Variants in CGNL1 observed in about 807,000 individuals in gnomAD.
CGNL1 encodes cingulin-like protein 1.
Under a neutral mutation model 141.2 loss-of-function variants are expected in CGNL1, and 132 were observed. The observed-to-expected ratio is 0.93, with a 90% CI of 0.81 to 1.08. The LOEUF (loss-of-function observed/expected upper bound fraction) is 1.08. Ranked by LOEUF, CGNL1 falls within the 50% of genes least tolerant of loss-of-function variation. The pLI, the probability that CGNL1 is intolerant of heterozygous loss-of-function variation, is 0.00. For synonymous variants in CGNL1, 690 were observed against 622.1 expected (o/e 1.11, Z -1.63); for missense variants, 1,870 against 1,588.6 (o/e 1.18, Z -3.01).
intron 1 of CGNL1, among the ~76,000 whole-genome samples, chr15:57,421,069 A>T (rs1219541686): frequency 6.6e-6 from 1 of 152,184 alleles, no homozygotes; most frequent in Non-Finnish European, 1.5e-5. Context: ...TGGGGCCCTT[A>T]AAATGAGATT....
At chr15:57,499,465 T>G (rs1381821232) in intron 8 of CGNL1, among the ~76,000 whole-genome samples, 2 of 152,108 alleles carry the variant, frequency 1.3e-5, no homozygotes, top group Non-Finnish European at 2.9e-5. Context: ...CTGAAACTCC[T>G]GACCTCAAGT....
At chr15:57,534,997 A>C (rs2032175004) in intron 14 of CGNL1, among the ~76,000 whole-genome samples, 1 of 152,038 alleles carries the variant, frequency 6.6e-6, no homozygotes. Flanking sequence ...ATAAGCCACA[A>C]AAAAGGTTTT....
At chr15:57,453,454 T>G (rs1209739545) in intron 6 of CGNL1, among the ~76,000 whole-genome samples, 1 of 152,098 alleles carries the variant, frequency 6.6e-6, no homozygotes, top group Non-Finnish European at 1.5e-5. Flanking sequence ...CATACCCACT[T>G]TGTTGGTTTG....
intron 1 of CGNL1, among the ~76,000 whole-genome samples, chr15:57,410,016 G>A (rs1350049802): frequency 1.3e-5 from 2 of 152,206 alleles, no homozygotes; most frequent in African/African-American, 4.8e-5. Context: ...CAAGCCGTTA[G>A]CCCAGAAGGT....
intron 1 of CGNL1, among the ~76,000 whole-genome samples, chr15:57,413,586 AGCAT>A (rs1204192362): frequency 6.6e-6 from 1 of 152,268 alleles, no homozygotes; most frequent in African/African-American, 2.4e-5. Flanking sequence ...ATGCCCGGCC[AGCAT>A]CTCAGTAGGG....
At chr15:57,424,140 C>T (rs1319221613) in intron 1 of CGNL1, among the ~76,000 whole-genome samples, 1 of 152,244 alleles carries the variant, frequency 6.6e-6, no homozygotes, top group African/African-American at 2.4e-5. Context: ...CCGCGTCTCC[C>T]ACTGGGCTCT....
chr15:57,421,518 A>G (rs1038527048), intron 1 of CGNL1, among the ~76,000 whole-genome samples: 4 of 152,114 alleles, frequency 2.6e-5, no homozygotes, highest in Non-Finnish European at 4.4e-5. Context: ...GCTCCAGGTT[A>G]AGGGTCTGAC....
intron 1 of CGNL1, among the ~76,000 whole-genome samples, chr15:57,435,505 A>G (rs1459067422): frequency 1.3e-5 from 2 of 151,972 alleles, no homozygotes; most frequent in African/African-American, 4.8e-5. Context: ...CTTTGATTAA[A>G]AAATAAATTA....
intron 14 of CGNL1, among the ~76,000 whole-genome samples, chr15:57,533,355 C>G (rs190751069): frequency 1.3e-5 from 2 of 152,306 alleles, no homozygotes; most frequent in Non-Finnish European, 2.9e-5. Context: ...TACTGCCCGC[C>G]AGGGTTGTTA....
At chr15:57,462,040 G>A (rs1207848305) in intron 8 of CGNL1, 148 bp downstream of exon 8, 2 of 674,436 alleles carry the variant, frequency 3.0e-6, no homozygotes, top group South Asian at 1.9e-5. Flanking sequence ...TATTAACAAA[G>A]AATAAGCTCA....
chr15:57,412,231 C>T (rs879398755), intron 1 of CGNL1, among the ~76,000 whole-genome samples: 13 of 152,176 alleles, frequency 8.5e-5, no homozygotes, highest in Non-Finnish European at 1.8e-4. Context: ...GTGGGTGGCC[C>T]GAACCACCCT....
chr15:57,419,942 T>A (rs1450059706), intron 1 of CGNL1, among the ~76,000 whole-genome samples: 1 of 152,222 alleles, frequency 6.6e-6, no homozygotes, highest in Non-Finnish European at 1.5e-5. Context: ...CTCTTCCCCA[T>A]TTATGTATTT....
intron 8 of CGNL1, among the ~76,000 whole-genome samples, chr15:57,489,708 CTTAAGTT>C (rs1329724690): frequency 2.6e-5 from 4 of 152,290 alleles, no homozygotes; most frequent in African/African-American, 9.6e-5. Flanking sequence ...TTCTGTTCCT[CTTAAGTT>C]TTATTTTCCA....
At chr15:57,507,140 A>G (rs2064114311) in intron 8 of CGNL1, among the ~76,000 whole-genome samples, 1 of 152,184 alleles carries the variant, frequency 6.6e-6, no homozygotes, top group African/African-American at 2.4e-5. Context: ...GGATTTGCCT[A>G]TTCTGGACAT....
intron 8 of CGNL1, among the ~76,000 whole-genome samples, chr15:57,462,213 C>T (rs555654948): frequency 1.3e-5 from 2 of 152,200 alleles, no homozygotes; most frequent in African/African-American, 2.4e-5. Context: ...GCGTTCCTAA[C>T]GGTCAGAGGC....
At chr15:57,546,766 G>T (rs1175756790) in intron 18 of CGNL1, among the ~76,000 whole-genome samples, 1 of 152,146 alleles carries the variant, frequency 6.6e-6, no homozygotes, top group Non-Finnish European at 1.5e-5. Flanking sequence ...TCTCCCCGGG[G>T]TATGAGGTAA....
In CGNL1 at chr15:57,516,829, C is replaced by G. The variant is rs149779988; in HGVS notation, c.2453C>G (p.Ala818Gly). The change falls in exon 9 of 19, where the codon GCG becomes GGG. Residue 818 changes from alanine (A) to glycine (G), a missense_variant. Coordinates refer to ENST00000281282, the MANE Select transcript of CGNL1 (RefSeq NM_032866.5). ...SRSNTSEQDQ[A>G]GTEMRVKLLQ... ...AGCAACACTTCAGAGCAAGACCAGG[C>G]GGGGACTGAAATGCGCGTGAAGCTT... 2 of 1,614,106 alleles carry G rather than the reference C, an allele frequency of 1.2e-6. No individual in the cohort carries two copies. The highest frequency in any genetic ancestry group is 1.7e-6 in the Non-Finnish European group (2 of 1,180,026).
At chr15:57,409,084 A>G (rs145368873) in intron 1 of CGNL1, among the ~76,000 whole-genome samples, 169 of 100,056 alleles carry the variant, frequency 1.7e-3, no homozygotes, top group Middle Eastern at 0.016. Flanking sequence ...TTGCCTTTTG[A>G]CTTCCTACCC....
chr15:57,546,465 G>A (rs1205828807), intron 18 of CGNL1, among the ~76,000 whole-genome samples: 1 of 152,200 alleles, frequency 6.6e-6, no homozygotes. Flanking sequence ...AATGCCAGCT[G>A]AGCTGGGTAG....
Sources: gnomAD v4.1 joint callset for allele counts (sites outside exome capture counted in the v4.1 genomes callset) on GRCh38, gnomAD v4.1.1 for gene constraint, MANE v1.5 for transcripts, NCBI Gene and HGNC (gene_info 2026-07-23, HGNC 2026-07-21) for gene names.